The following ELP4 variants were observed in gnomAD, a reference collection of about 807,000 sequenced individuals.
ELP4 encodes the protein elongator acetyltransferase complex subunit 4, also known as elongator complex protein 4.
ELP4 carries 51 observed loss-of-function variants against 48.9 expected under a neutral mutation model. The ratio of observed to expected loss-of-function variants is 1.04; its 90% CI spans 0.83 to 1.32. The LOEUF is 1.32. Ranked by LOEUF, ELP4 falls within the 40% of genes most tolerant of loss-of-function variation. The probability of loss-of-function intolerance (pLI) is 0.00; values close to 1 mark genes in which losing one functional copy is unlikely to be tolerated. For synonymous variants in ELP4, 210 were observed against 189.2 expected (o/e 1.11, Z -0.90); for missense variants, 519 against 514.6 (o/e 1.01, Z -0.08).
intron 9 of ELP4, among the ~76,000 whole-genome samples, chr11:31,669,117 T>G (rs1197196737): frequency 6.6e-6 from 1 of 151,736 alleles, no homozygotes; most frequent in African/African-American, 2.4e-5. Flanking sequence ...TATTTTATTT[T>G]GGGATGGAGT....
At chr11:31,564,750 T>C (rs1957079465) in intron 3 of ELP4, among the ~76,000 whole-genome samples, 1 of 152,236 alleles carries the variant, frequency 6.6e-6, no homozygotes, top group Non-Finnish European at 1.5e-5. Context: ...GTTGTATATG[T>C]ACCACATTTT....
At chr11:31,745,207 A>G (rs1010378400) in intron 9 of ELP4, among the ~76,000 whole-genome samples, 16 of 152,338 alleles carry the variant, frequency 1.1e-4, no homozygotes, top group Admixed American at 9.8e-4. Flanking sequence ...CTCTTCAAGG[A>G]GAACTACAAA....
intron 2 of ELP4, among the ~76,000 whole-genome samples, chr11:31,528,433 A>T (rs1307404617): frequency 6.6e-6 from 1 of 152,136 alleles, no homozygotes; most frequent in African/African-American, 2.4e-5. Context: ...ACATGAGGTG[A>T]TGTTTGTTAC....
chr11:31,629,462 T>C (rs1325549172), intron 6 of ELP4, among the ~76,000 whole-genome samples: 1 of 152,044 alleles, frequency 6.6e-6, no homozygotes, highest in Non-Finnish European at 1.5e-5. Context: ...TTATATCTGT[T>C]GTGCTGGGTA....
chr11:31,727,620 T>G (rs1002728491), intron 9 of ELP4, among the ~76,000 whole-genome samples: 2 of 152,198 alleles, frequency 1.3e-5, no homozygotes, highest in African/African-American at 4.8e-5. Flanking sequence ...CTTGTCTTTA[T>G]ACTTTTCACT....
intron 1 of ELP4, chr11:31,511,870 A>G (rs1956016012): frequency 6.6e-6 from 1 of 152,216 alleles, no homozygotes; most frequent in African/African-American, 2.4e-5. Context: ...CGAGTAGGGT[A>G]TTTAAGTGTA....
intron 7 of ELP4, among the ~76,000 whole-genome samples, chr11:31,643,970 C>T (rs1265325015): frequency 6.6e-6 from 1 of 151,528 alleles, no homozygotes; most frequent in Non-Finnish European, 1.5e-5. Context: ...CTTTAAGAGC[C>T]CTTTATGTAA....
At chr11:31,586,988 A>G (rs1230247159) in intron 3 of ELP4, among the ~76,000 whole-genome samples, 1 of 152,184 alleles carries the variant, frequency 6.6e-6, no homozygotes, top group East Asian at 1.9e-4. Flanking sequence ...TGAAAAAAAT[A>G]ATCAAAAATA....
intron 5 of ELP4, among the ~76,000 whole-genome samples, chr11:31,626,780 T>C (rs1944753356): frequency 6.6e-6 from 1 of 151,844 alleles, no homozygotes; most frequent in Non-Finnish European, 1.5e-5. Flanking sequence ...CTCCTGAAAA[T>C]CTATAGTGGC....
intron 7 of ELP4, among the ~76,000 whole-genome samples, chr11:31,643,294 C>T (rs1324198387): frequency 1.3e-5 from 2 of 151,684 alleles, no homozygotes; most frequent in East Asian, 3.9e-4. Flanking sequence ...ATTATTTTTC[C>T]TATCTTTCTT....
intron 3 of ELP4, among the ~76,000 whole-genome samples, chr11:31,580,437 T>C (rs1957369810): frequency 2.0e-5 from 3 of 152,188 alleles, no homozygotes; most frequent in Admixed American, 2.0e-4. Flanking sequence ...CATAGACCAC[T>C]ATCAGTTTAT....
intron 3 of ELP4, among the ~76,000 whole-genome samples, chr11:31,589,127 A>G (rs535688521): frequency 1.3e-5 from 2 of 152,378 alleles, no homozygotes; most frequent in African/African-American, 4.8e-5. Context: ...AAGCTGTGGT[A>G]TTAATTCCCT....
chr11:31,722,418 C>G (rs1329172049), intron 9 of ELP4, among the ~76,000 whole-genome samples: 2 of 152,122 alleles, frequency 1.3e-5, no homozygotes, highest in East Asian at 3.9e-4. Context: ...ACATATGATG[C>G]TTACAATTGA....
chr11:31,685,265 C>T (rs1372492840), intron 9 of ELP4, among the ~76,000 whole-genome samples: 2 of 152,054 alleles, frequency 1.3e-5, no homozygotes, highest in African/African-American at 2.4e-5. Flanking sequence ...GCAAGGGAAT[C>T]GCTTGAACCT....
chr11:31,650,216 A>C lies in ELP4; in HGVS notation c.1138A>C (p.Ile380Leu), dbSNP rs1945292198. The C allele has an allele frequency of 8.8e-7, 1 of 1,130,254 alleles. No homozygotes were observed. Among genetic ancestry groups the C allele is most frequent in the Non-Finnish European group, 1.3e-6 (1 of 764,914 alleles). The allele number at this position is 1,130,254 out of a possible 1,614,324, so 70.0% of individuals were successfully genotyped here. Residue 380 changes from isoleucine to leucine, a missense_variant, in exon 9 of 10, where the codon ATT becomes CTT. Ile to Leu is a conservative substitution (Grantham distance 5). Transcript: ENST00000640961. ...AFKLKRKLFT[I>L]ERLHLPPDLS... ...TAAATTAAAAAGGAAGCTATTCACC[A>C]TTGAGGTAAGAGAATTTTTATGTTT...
intron 9 of ELP4, among the ~76,000 whole-genome samples, chr11:31,726,119 A>G (rs541548813): frequency 6.6e-6 from 1 of 152,346 alleles, no homozygotes; most frequent in South Asian, 2.1e-4. Context: ...GATCTGGAAA[A>G]TTGAGGAACA....
chr11:31,648,595 A>G (rs891200017), intron 8 of ELP4: 4 of 151,558 alleles, frequency 2.6e-5, no homozygotes, highest in African/African-American at 4.8e-5. Context: ...TATTCTTAGT[A>G]TAAATAAATT....
At chr11:31,745,026 A>G (rs1947549734) in intron 9 of ELP4, among the ~76,000 whole-genome samples, 2 of 152,230 alleles carry the variant, frequency 1.3e-5, no homozygotes, top group African/African-American at 2.4e-5. Flanking sequence ...CAAGCTGATA[A>G]GCAACTTCAG....
intron 9 of ELP4, among the ~76,000 whole-genome samples, chr11:31,764,087 A>G (rs1947999592): frequency 6.6e-6 from 1 of 152,158 alleles, no homozygotes; most frequent in South Asian, 2.1e-4. Context: ...TGCAGCTAAA[A>G]CAAGGAAGCT....
Sources: gnomAD v4.1 joint callset for allele counts (sites outside exome capture counted in the v4.1 genomes callset) on GRCh38, gnomAD v4.1.1 for gene constraint, MANE v1.5 for transcripts, NCBI Gene and HGNC (gene_info 2026-07-23, HGNC 2026-07-21) for gene names.